The following DNAH2 variants were observed in gnomAD, a reference collection of about 807,000 sequenced individuals.
DNAH2 encodes axonemal beta dynein heavy chain 2.
DNAH2 carries 323 observed loss-of-function variants against 523.5 expected under a neutral mutation model. The observed-to-expected ratio is 0.62, with a 90% CI of 0.56 to 0.68. The LOEUF is 0.68. Ranked by LOEUF, DNAH2 falls within the 30% of genes least tolerant of loss-of-function variation. The pLI is 0.00. For synonymous variants in DNAH2, 2,093 were observed against 2,177.4 expected, an observed-to-expected ratio of 0.96 and a Z score of 1.08; for missense variants, 4,907 against 5,701.5, an observed-to-expected ratio of 0.86 and a Z score of 4.49.
intron 12 of DNAH2, among the ~76,000 whole-genome samples, chr17:7,749,306 CCCAAAAAAAAAA>C (rs2075607286): frequency 8.6e-4 from 3 of 3,502 alleles, no homozygotes; most frequent in African/African-American, 4.2e-3. Context: ...TAAACTCCCC[CCCAAAAAAAAAA>C]AAAAAAAAAA....
Position 7,821,537 on chromosome 17 carries a change from G to A in DNAH2, c.11142+168G>A, listed in dbSNP as rs898947586. On this transcript the variant is annotated intron_variant, in intron 73 of 85. Coordinates refer to ENST00000572933, the MANE Select transcript of DNAH2 (RefSeq NM_020877.5). This position sits in a 1 kb window ranked among gnomAD's most constrained non-coding sequence, Gnocchi z 5.0. Reference sequence around the variant, plus strand: ...ATGGTGAGCTCCCTGGGGCTGCGGAGGTGACTTGCCATGCACCCCCTTGCA... The same window carrying A: ...ATGGTGAGCTCCCTGGGGCTGCGGAAGTGACTTGCCATGCACCCCCTTGCA... Among the ~76,000 whole-genome samples the A allele has an allele frequency of 1.3e-5, 2 of 152,142 alleles. No homozygotes were observed. The highest frequency in any genetic ancestry group is 2.9e-5 in the Non-Finnish European group (2 of 68,026).
rs1290497351 is a variant in DNAH2 at position 7,798,808 on chromosome 17, G to C, written c.8559+90G>C. ...CCACAGCTCCCAGAATGTGCCACTG[G>C]CACACCCCCACTGCCACACCCCCAC... On this transcript the variant is annotated intron_variant, in intron 55 of 85. Transcript: ENST00000572933. The surrounding 1 kb of genome is among the most constrained non-coding windows in gnomAD (Gnocchi z 5.5). 7 of 1,441,632 alleles carry C rather than the reference G, an allele frequency of 4.9e-6. No individual in the cohort carries two copies. The African/African-American group carries it at 7.0e-5, about 14-fold the overall frequency. 89.3% of individuals were successfully genotyped at this position (1,441,632 alleles called of 1,614,324 possible). A position where few individuals can be genotyped will look rare whatever the true frequency, so the allele number is the denominator to read the frequency against.
At chr17:7,789,930 C>G (rs1179243684) in intron 44 of DNAH2, among the ~76,000 whole-genome samples, 1 of 152,134 alleles carries the variant, frequency 6.6e-6, no homozygotes, top group Non-Finnish European at 1.5e-5. Flanking sequence ...ATTGGACGCA[C>G]CAAGTGTATC....
chr17:7,775,044 G>A (rs1020823046), intron 29 of DNAH2, 68 bp downstream of exon 29: 1 of 1,509,332 alleles, frequency 6.6e-7, no homozygotes, highest in Non-Finnish European at 9.1e-7. Context: ...GAAAAGCTTT[G>A]GAGGGGACCC....
At chr17:7,747,487 C>G (rs959013058) in intron 12 of DNAH2, among the ~76,000 whole-genome samples, 1 of 152,204 alleles carries the variant, frequency 6.6e-6, no homozygotes, top group African/African-American at 2.4e-5. Context: ...CTGTGATTCC[C>G]GCACTTTGTT....
chr17:7,768,578 C>T (rs970363441), intron 24 of DNAH2, among the ~76,000 whole-genome samples: 1 of 152,158 alleles, frequency 6.6e-6, no homozygotes, highest in Non-Finnish European at 1.5e-5. Flanking sequence ...AAGCTACTCT[C>T]AGTGATTTTC....
intron 49 of DNAH2, among the ~76,000 whole-genome samples, chr17:7,794,899 C>T (rs1281596680): frequency 1.3e-5 from 2 of 151,964 alleles, no homozygotes; most frequent in Non-Finnish European, 2.9e-5. Context: ...GGACTACAGG[C>T]GCCCGCCACC....
Position 7,821,831 on chromosome 17 carries a change from G to A in DNAH2, c.11142+462G>A, listed in dbSNP as rs529685652. Among the ~76,000 whole-genome samples, 2 of 152,212 alleles carry A rather than the reference G, an allele frequency of 1.3e-5. No individual in the cohort carries two copies. The highest frequency in any genetic ancestry group is 2.1e-4 in the South Asian group (1 of 4,820). On this transcript the variant is annotated intron_variant, in intron 73 of 85. Transcript: ENST00000572933. The surrounding 1 kb of genome is among the most constrained non-coding windows in gnomAD (Gnocchi z 5.0). ...GGCCGGAGAAGAACACATCCACACCGACTGGACGCGCTTTAAGTCCATGAT... is the reference window on the plus strand; with the variant it reads ...GGCCGGAGAAGAACACATCCACACCAACTGGACGCGCTTTAAGTCCATGAT...
intron 11 of DNAH2, among the ~76,000 whole-genome samples, chr17:7,741,300 T>TTCTTTCTC (rs1567625056): frequency 2.2e-5 from 1 of 44,860 alleles, no homozygotes; most frequent in African/African-American, 1.4e-4. Context: ...CTTTCTTCCT[T>TTCTTTCTC]CCTTCCCTCC....
chr17:7,723,061 C>A (rs910119344), intron 2 of DNAH2, among the ~76,000 whole-genome samples: 3 of 150,218 alleles, frequency 2.0e-5, no homozygotes, highest in Admixed American at 1.3e-4. Flanking sequence ...GCTCCGCCTC[C>A]CAGGTTCACG....
intron 56 of DNAH2, among the ~76,000 whole-genome samples, chr17:7,799,684 CGG>C (rs2077169277): frequency 6.6e-6 from 1 of 151,940 alleles, no homozygotes; most frequent in Non-Finnish European, 1.5e-5. Context: ...GGCATGGTGG[CGG>C]GGGCGCCTGT....
At position 7,727,296 on chromosome 17, in the gene DNAH2, C is replaced by T. The variant is rs763346780; in HGVS notation, c.399+4C>T. On this transcript the variant is annotated splice_donor_region_variant and intron_variant, in intron 4 of 85. Coordinates refer to ENST00000572933, the MANE Select transcript of DNAH2 (RefSeq NM_020877.5). ...AGAGCTGGGCATGCCTGTACAGGTG[C>T]GTACCCTACATTCCCAGATCAAAGG... 6 of 1,603,270 alleles carry T rather than the reference C, an allele frequency of 3.7e-6. No individual in the cohort carries two copies. The highest frequency in any genetic ancestry group is 2.2e-5 in the South Asian group (2 of 89,028).
At chr17:7,806,879 G>A (rs1039723194) in intron 61 of DNAH2, among the ~76,000 whole-genome samples, 1 of 151,974 alleles carries the variant, frequency 6.6e-6, no homozygotes, top group Non-Finnish European at 1.5e-5. Context: ...AAAGCAGAGA[G>A]AAAAAAAGTG....
chr17:7,802,480 T>C (rs1198870039), intron 58 of DNAH2, among the ~76,000 whole-genome samples: 1 of 152,210 alleles, frequency 6.6e-6, no homozygotes, highest in Non-Finnish European at 1.5e-5. Context: ...CAGTCCCTGA[T>C]ATAGAATGGA....
chr17:7,755,748 A>T lies in DNAH2; in HGVS notation c.1905-1343A>T, dbSNP rs1265540303. On this transcript the variant is annotated intron_variant, in intron 12 of 85. Coordinates refer to ENST00000572933, the MANE Select transcript of DNAH2 (RefSeq NM_020877.5). ...AGGAAGGAGGAGGCCACTGGATATG[A>T]GGTGGCAAAGGACACTTAAGATGAA... is the stretch of plus-strand genomic sequence containing the variant. 2.6e-5 allele frequency among the ~76,000 whole-genome samples: 4 copies of T among 151,482 alleles called. No homozygotes were observed. In the East Asian group the frequency reaches 7.8e-4, roughly 30 times the overall value.
At chr17:7,746,112 C>T (rs1220463311) in intron 12 of DNAH2, among the ~76,000 whole-genome samples, 7 of 152,176 alleles carry the variant, frequency 4.6e-5, no homozygotes, top group African/African-American at 1.4e-4. Context: ...AAACAATTGC[C>T]TCATAAAACT....
chr17:7,760,834 C>T lies in DNAH2; in HGVS notation c.2880C>T (p.Asp960=), dbSNP rs769237277. ...TGCAGAACTACCTCAAGACCTGGGACATGTACCGGGAGATCTGGGAGATCA... is the reference window on the plus strand; with the variant it reads ...TGCAGAACTACCTCAAGACCTGGGATATGTACCGGGAGATCTGGGAGATCA... ...SLLQNYLKTW[D]MYREIWEINK... is the part of the protein sequence containing the mutation. Residue 960 remains aspartate, a synonymous_variant, in exon 18 of 86, where the codon GAC becomes GAT. Coordinates refer to ENST00000572933, the MANE Select transcript of DNAH2 (RefSeq NM_020877.5). This position sits in a 1 kb window ranked among gnomAD's most constrained non-coding sequence, Gnocchi z 4.0. The T allele has an allele frequency of 3.1e-6, 5 of 1,614,220 alleles. No individual in the cohort carries two copies. The South Asian group carries it at 5.5e-5, about 18-fold the overall frequency.
At chr17:7,805,699 C>G (rs2151300900) in intron 61 of DNAH2, among the ~76,000 whole-genome samples, 1 of 152,036 alleles carries the variant, frequency 6.6e-6, no homozygotes, top group South Asian at 2.1e-4. Flanking sequence ...AAAAAAAATG[C>G]AAAAATTAGC....
chr17:7,749,308 C>CAAAAAAAAAAA (rs57660603), intron 12 of DNAH2, among the ~76,000 whole-genome samples: 959 of 17,680 alleles, frequency 0.054, 418 homozygotes, highest in Non-Finnish European at 0.057. Context: ...AACTCCCCCC[C>CAAAAAAAAAAA]AAAAAAAAAA....
Sources: allele counts gnomAD v4.1 joint callset (sites outside exome capture counted in the v4.1 genomes callset), GRCh38; gene constraint gnomAD v4.1.1; non-coding constraint Gnocchi (gnomAD v3.1); transcripts MANE v1.5; gene names NCBI Gene and HGNC (gene_info 2026-07-23, HGNC 2026-07-21).